ERBB4: variants seen among roughly 807,000 people sequenced by gnomAD.
ERBB4 encodes the protein erb-b2 receptor tyrosine kinase 4, also known as receptor tyrosine-protein kinase erbB-4.
In ERBB4, 42 loss-of-function variants were observed where a neutral mutation model predicts 158.0. That is an observed-to-expected ratio of 0.27 (90% CI 0.21 to 0.34). The LOEUF is 0.34. Among genes scored for constraint, ERBB4 ranks in the 10% least tolerant of loss-of-function variants. The pLI is 1.00. For synonymous variants in ERBB4, 583 were observed against 558.7 expected, an observed-to-expected ratio of 1.04 and a Z score of -0.61; for missense variants, 1,333 against 1,624.1, an observed-to-expected ratio of 0.82 and a Z score of 3.08.
intron 2 of ERBB4, among the ~76,000 whole-genome samples, chr2:212,038,861 A>G (rs1334958301): frequency 1.3e-5 from 2 of 152,128 alleles, no homozygotes; most frequent in Non-Finnish European, 2.9e-5. Context: ...GGATATGAAC[A>G]TCTTCTCTAG....
rs565238221 is a variant in ERBB4 at position 211,608,482 on chromosome 2, T to C, written c.2301+10695A>G. Reference sequence around the variant, plus strand: ...TGAGAACAATGATTTAAATACTATCTGTAAGCTTTATTCTTCTCTCAAAAT... The same window carrying C: ...TGAGAACAATGATTTAAATACTATCCGTAAGCTTTATTCTTCTCTCAAAAT... On this transcript the variant is annotated intron_variant, in intron 19 of 27. Transcript: ENST00000342788. 2.8e-3 allele frequency among the ~76,000 whole-genome samples: 419 copies of C among 152,300 alleles called. 4 individuals carry two copies. The highest frequency in any genetic ancestry group is 9.7e-3 in the African/African-American group (402 of 41,566).
chr2:211,685,212 A>G (rs985429729), intron 12 of ERBB4, among the ~76,000 whole-genome samples: 6 of 152,140 alleles, frequency 3.9e-5, no homozygotes, highest in African/African-American at 1.4e-4. Context: ...CTAACTCTAA[A>G]TCCCTAATGA....
At chr2:212,418,434 G>A (rs1178403303) in intron 1 of ERBB4, among the ~76,000 whole-genome samples, 1 of 151,314 alleles carries the variant, frequency 6.6e-6, no homozygotes, top group Non-Finnish European at 1.5e-5. Flanking sequence ...ATCCAAAATT[G>A]TGTGTTCTCC....
intron 3 of ERBB4, among the ~76,000 whole-genome samples, chr2:211,890,004 T>C (rs536174046): frequency 8.0e-4 from 77 of 96,478 alleles, no homozygotes; most frequent in Middle Eastern, 4.3e-3. Flanking sequence ...CAGGAGAACT[T>C]CCCCAATCTA....
At chr2:211,487,626 T>C (rs1220765379) in intron 20 of ERBB4, among the ~76,000 whole-genome samples, 1 of 152,056 alleles carries the variant, frequency 6.6e-6, no homozygotes, top group Non-Finnish European at 1.5e-5. Flanking sequence ...GGCGTTGCAA[T>C]GTTTCCATTA....
At chr2:211,819,307 CACTA>C (rs1222605993) in intron 3 of ERBB4, among the ~76,000 whole-genome samples, 2 of 151,966 alleles carry the variant, frequency 1.3e-5, no homozygotes, top group South Asian at 4.1e-4. Flanking sequence ...ACATAGAAAA[CACTA>C]ACTAAATTAA....
intron 1 of ERBB4, among the ~76,000 whole-genome samples, chr2:212,523,589 A>T (rs1692287925): frequency 6.6e-6 from 1 of 151,960 alleles, no homozygotes; most frequent in African/African-American, 2.4e-5. Context: ...AATCCTTCAC[A>T]AATCTACTAA....
intron 19 of ERBB4, among the ~76,000 whole-genome samples, chr2:211,597,738 C>T (rs2068680167): frequency 6.6e-6 from 1 of 152,068 alleles, no homozygotes; most frequent in African/African-American, 2.4e-5. Context: ...GTCACTACTT[C>T]ACAATTATTT....
chr2:212,381,470 G>A (rs1185318816), intron 1 of ERBB4, among the ~76,000 whole-genome samples: 1 of 151,258 alleles, frequency 6.6e-6, no homozygotes, highest in Non-Finnish European at 1.5e-5. Context: ...ACTATTACAT[G>A]TATATGTGTA....
chr2:211,772,930 T>TATATATATATACACACAC (rs2075748972), intron 4 of ERBB4, among the ~76,000 whole-genome samples: 1 of 64,682 alleles, frequency 1.5e-5, no homozygotes, highest in African/African-American at 1.0e-4. Context: ...CACACATATA[T>TATATATATATACACACAC]ATATATATAT....
chr2:211,914,698 C>T (rs972212685), intron 3 of ERBB4, among the ~76,000 whole-genome samples: 1 of 152,058 alleles, frequency 6.6e-6, no homozygotes, highest in South Asian at 2.1e-4. Flanking sequence ...CAAAATTGCA[C>T]ATAAATATAC....
At chr2:212,018,720 G>T (rs1021607153) in intron 2 of ERBB4, among the ~76,000 whole-genome samples, 4 of 152,072 alleles carry the variant, frequency 2.6e-5, no homozygotes, top group Admixed American at 2.6e-4. Flanking sequence ...GTCTGTATTT[G>T]TCAGTTCTTT....
chr2:211,910,104 G>C (rs966269483), intron 3 of ERBB4, among the ~76,000 whole-genome samples: 5 of 151,268 alleles, frequency 3.3e-5, no homozygotes, highest in African/African-American at 9.7e-5. Flanking sequence ...ATTTTTAGTA[G>C]AGACAGGGTT....
chr2:212,112,832 ACT>A, intron 2 of ERBB4, among the ~76,000 whole-genome samples: 1 of 152,342 alleles, frequency 6.6e-6, no homozygotes, highest in South Asian at 2.1e-4. Flanking sequence ...GCTTATAAAT[ACT>A]GTTTCTTTTT....
At chr2:212,458,960 A>C (rs1688439374) in intron 1 of ERBB4, among the ~76,000 whole-genome samples, 1 of 152,206 alleles carries the variant, frequency 6.6e-6, no homozygotes, top group Non-Finnish European at 1.5e-5. Flanking sequence ...GAATGAATGA[A>C]TGAGTTACAT....
At chr2:212,158,270 A>C (rs2081100472) in intron 1 of ERBB4, among the ~76,000 whole-genome samples, 1 of 152,012 alleles carries the variant, frequency 6.6e-6, no homozygotes, top group South Asian at 2.1e-4. Flanking sequence ...GCTTTTTACT[A>C]TATAAATCAT....
chr2:211,935,450 G>A (rs2080294230), intron 3 of ERBB4, among the ~76,000 whole-genome samples: 1 of 152,080 alleles, frequency 6.6e-6, no homozygotes, highest in South Asian at 2.1e-4. Flanking sequence ...TCTGAAGCCA[G>A]TACACACTCT....
chr2:211,464,747 C>T (rs2064630646), intron 20 of ERBB4, among the ~76,000 whole-genome samples: 1 of 152,018 alleles, frequency 6.6e-6, no homozygotes, highest in South Asian at 2.1e-4. Context: ...AGTTTATACT[C>T]ATCATCCTTC....
chr2:211,919,567 A>C (rs906172403), intron 3 of ERBB4, among the ~76,000 whole-genome samples: 3 of 152,034 alleles, frequency 2.0e-5, no homozygotes, highest in Admixed American at 6.6e-5. Flanking sequence ...TAATCCCATC[A>C]GGTCTTATGG....
Sources: allele counts gnomAD v4.1 joint callset (sites outside exome capture counted in the v4.1 genomes callset), GRCh38; gene constraint gnomAD v4.1.1; transcripts MANE v1.5; gene names NCBI Gene and HGNC (gene_info 2026-07-23, HGNC 2026-07-21).